DCC: variants seen among roughly 807,000 people sequenced by gnomAD.
The protein encoded by DCC is DCC netrin 1 receptor.
DCC carries 58 observed loss-of-function variants against 172.5 expected under a neutral mutation model. The observed-to-expected ratio is 0.34, with a 90% confidence interval of 0.27 to 0.42. The LOEUF (loss-of-function observed/expected upper bound fraction) is 0.42, where lower values mean the gene tolerates loss of function less well. DCC is among the 10% of genes least tolerant of loss of function. The pLI, the probability that DCC is intolerant of heterozygous loss-of-function variation, is 1.00. For synonymous variants in DCC, 709 were observed against 644.5 expected (o/e 1.10, Z -1.52); for missense variants, 1,740 against 1,791.0 (o/e 0.97, Z 0.51).
intron 25 of DCC, among the ~76,000 whole-genome samples, chr18:53,483,224 T>C (rs1411524408): frequency 6.6e-6 from 1 of 151,958 alleles, no homozygotes; most frequent in Non-Finnish European, 1.5e-5. Context: ...TTCTGGAGTC[T>C]GTTTACGTGT....
At chr18:53,144,813 C>T (rs1387018054) in intron 7 of DCC, among the ~76,000 whole-genome samples, 1 of 151,922 alleles carries the variant, frequency 6.6e-6, no homozygotes, top group Non-Finnish European at 1.5e-5. Context: ...GGGCATTATC[C>T]ACTGTATTTG....
chr18:53,225,584 A>C (rs1291111205), intron 12 of DCC, among the ~76,000 whole-genome samples: 2 of 152,158 alleles, frequency 1.3e-5, no homozygotes, highest in African/African-American at 2.4e-5. Flanking sequence ...AGAGACGATA[A>C]GTGTAAGTAA....
At chr18:53,168,065 C>A (rs1233414273) in intron 8 of DCC, among the ~76,000 whole-genome samples, 1 of 152,122 alleles carries the variant, frequency 6.6e-6, no homozygotes, top group Admixed American at 6.5e-5. Context: ...CAGGAAACAA[C>A]AGATATTGGA....
intron 2 of DCC, among the ~76,000 whole-genome samples, chr18:52,859,941 G>GATAA (rs150334607): frequency 5.8e-4 from 88 of 152,126 alleles, no homozygotes; most frequent in African/African-American, 1.2e-3. Flanking sequence ...TAAGCAAAAA[G>GATAA]ATAAATAAAT....
intron 19 of DCC, among the ~76,000 whole-genome samples, chr18:53,404,176 T>C (rs546974955): frequency 5.9e-5 from 9 of 152,242 alleles, no homozygotes; most frequent in Admixed American, 5.9e-4. Context: ...CAATTATTTA[T>C]AAGCTTATGG....
intron 8 of DCC, among the ~76,000 whole-genome samples, chr18:53,162,647 C>T (rs2054861325): frequency 6.6e-6 from 1 of 152,122 alleles, no homozygotes. Context: ...CTTCAGTCTG[C>T]CTAGGATGTT....
intron 8 of DCC, among the ~76,000 whole-genome samples, chr18:53,159,342 G>A (rs2054798328): frequency 6.6e-6 from 1 of 152,116 alleles, no homozygotes; most frequent in African/African-American, 2.4e-5. Context: ...TTCATGCCAT[G>A]TTTTACTGAC....
intron 7 of DCC, among the ~76,000 whole-genome samples, chr18:53,137,126 A>G (rs1437223380): frequency 6.6e-6 from 1 of 152,224 alleles, no homozygotes; most frequent in African/African-American, 2.4e-5. Context: ...ACAAATTACT[A>G]CAAACTTAGC....
chr18:52,466,639 A>G (rs1042483805), intron 1 of DCC, among the ~76,000 whole-genome samples: 1 of 152,156 alleles, frequency 6.6e-6, no homozygotes. Context: ...TAATAGCAAT[A>G]TTGGCTATTC....
Position 52,482,098 on chromosome 18 carries a change from C to T in DCC, c.91+141220C>T, listed in dbSNP as rs567174430. ...CTTTTGCCCCGCCATATCCACTCACCCACCCATATGCAACGCTTAATACCA... is the reference window on the plus strand; with the variant it reads ...CTTTTGCCCCGCCATATCCACTCACTCACCCATATGCAACGCTTAATACCA... On this transcript the variant is annotated intron_variant, in intron 1 of 28. Transcript: ENST00000442544. Among the ~76,000 whole-genome samples, 6 of 152,106 alleles carry T rather than the reference C, an allele frequency of 3.9e-5. No homozygotes were observed. In the South Asian group the frequency reaches 1.2e-3, roughly 32 times the overall value.
chr18:52,768,871 G>C (rs1213439943), intron 2 of DCC, among the ~76,000 whole-genome samples: 2 of 152,134 alleles, frequency 1.3e-5, no homozygotes, highest in African/African-American at 4.8e-5. Context: ...ATTAGAAAAG[G>C]GTGAGGGAGA....
intron 27 of DCC, among the ~76,000 whole-genome samples, chr18:53,515,810 A>C (rs1210549346): frequency 6.6e-6 from 1 of 151,958 alleles, no homozygotes; most frequent in African/African-American, 2.4e-5. Context: ...GGATACAAAC[A>C]AATGGAAGAA....
intron 1 of DCC, among the ~76,000 whole-genome samples, chr18:52,555,128 T>C (rs887656103): frequency 2.0e-5 from 3 of 152,084 alleles, no homozygotes; most frequent in African/African-American, 7.2e-5. Flanking sequence ...TAGCTGGCTT[T>C]TAAAGTGTCA....
chr18:52,923,873 G>A lies in DCC; in HGVS notation c.848+16G>A, dbSNP rs150963702. 3.1e-6 allele frequency: 5 copies of A among 1,603,312 alleles called. No individual in the cohort carries two copies. The East Asian group carries it at 1.1e-4, about 36-fold the overall frequency. On this transcript the variant is annotated intron_variant, in intron 4 of 28. Coordinates refer to ENST00000442544, the MANE Select transcript of DCC (RefSeq NM_005215.4). ...TCCAACTCAGGTATTTCACATTTAA[G>A]ACTTTTTTGTAAAGTGTACTTTTGT... is the stretch of plus-strand genomic sequence containing the variant.
At chr18:52,478,456 G>A (rs184934388) in intron 1 of DCC, among the ~76,000 whole-genome samples, 9 of 152,270 alleles carry the variant, frequency 5.9e-5, no homozygotes, top group Non-Finnish European at 8.8e-5. Flanking sequence ...GTAGAGGAAT[G>A]TTCAGTGTTT....
chr18:52,873,086 A>AT (rs1473005201), intron 2 of DCC, among the ~76,000 whole-genome samples: 1 of 152,192 alleles, frequency 6.6e-6, no homozygotes, highest in Non-Finnish European at 1.5e-5. Context: ...TCACAGGCTG[A>AT]TTTTTTAAAA....
rs2054756222 is a variant in DCC, at chr18:53,157,344, C to T, written c.1262-12C>T. 6.2e-7 allele frequency: 1 copy of T among 1,613,142 alleles called. No individual in the cohort carries two copies. Among genetic ancestry groups the T allele is most frequent in the Non-Finnish European group, 8.5e-7 (1 of 1,179,952 alleles). ...GCGACACCTCTGATAGCCTCCTCTT[C>T]TTTCTCCTTAGCTATCCCAAGCTCC... On this transcript the variant is annotated splice_polypyrimidine_tract_variant and intron_variant, in intron 7 of 28. Transcript: ENST00000442544.
intron 2 of DCC, among the ~76,000 whole-genome samples, chr18:52,854,645 T>A (rs1411848254): frequency 6.6e-6 from 1 of 152,272 alleles, no homozygotes; most frequent in Non-Finnish European, 1.5e-5. Context: ...CAGGTAACTA[T>A]TCTTTTCTGT....
At chr18:52,815,413 C>T (rs1396805088) in intron 2 of DCC, among the ~76,000 whole-genome samples, 6 of 6,376 alleles carry the variant, frequency 9.4e-4, no homozygotes, top group Admixed American at 4.3e-3. Flanking sequence ...CTCACACGTA[C>T]ACACACACAC....
Sources: allele counts gnomAD v4.1 joint callset (sites outside exome capture counted in the v4.1 genomes callset), GRCh38; gene constraint gnomAD v4.1.1; transcripts MANE v1.5; gene names NCBI Gene and HGNC (gene_info 2026-07-23, HGNC 2026-07-21).